The following RELN variants were observed in gnomAD, a reference collection of about 807,000 sequenced individuals.
RELN encodes reelin.
RELN carries 108 observed loss-of-function variants against 427.6 expected under a neutral mutation model. The observed-to-expected ratio is 0.25, with a 90% CI of 0.22 to 0.30. The LOEUF (loss-of-function observed/expected upper bound fraction) is 0.30, where lower values mean the gene tolerates loss of function less well. Ranked by LOEUF, RELN falls within the 10% of genes least tolerant of loss-of-function variation. RELN has a pLI of 1.00. For missense variants in RELN, 3,715 were observed against 4,302.8 expected (o/e 0.86, Z 3.82); for synonymous variants, 1,524 against 1,513.4 (o/e 1.01, Z -0.16).
intron 6 of RELN, among the ~76,000 whole-genome samples, chr7:103,733,581 A>G (rs1175263721): frequency 6.8e-6 from 1 of 146,654 alleles, no homozygotes; most frequent in Non-Finnish European, 1.5e-5. Context: ...AAAATGTGGC[A>G]CATATACACC....
rs1248208606 is a variant in RELN at position 103,574,125 on chromosome 7, G to A, written c.4478C>T (p.Ala1493Val). The part of the protein sequence containing the change: ...LYFNGPGKRE[A>V]RTVPLDTRNI... ...CCTGGTGTCCAGAGGGACCGTCCGG[G>A]CTTCCCTTTTCCCAGGGCCATTGAA... The change falls in exon 30 of 65, where the codon GCC becomes GTC. Residue 1493 changes from alanine to valine, a missense_variant. By Grantham distance (64) the Ala-to-Val change is moderately conservative. Around this residue, in one of 4 missense-constraint regions of RELN, gnomAD observed 2,208 missense variants for 2,361.7 expected, o/e 0.93. Coordinates refer to ENST00000428762, the MANE Select transcript of RELN (RefSeq NM_005045.4). 1 of 1,614,144 alleles carries A rather than the reference G, an allele frequency of 6.2e-7. No homozygotes were observed. The highest frequency in any genetic ancestry group is 1.7e-5 in the Admixed American group (1 of 60,022).
Position 103,603,346 on chromosome 7 carries a change from C to T in RELN, c.3291G>A (p.Gly1097=). Residue 1097 remains glycine (G), a synonymous_variant, in exon 24 of 65, where the codon GGG becomes GGA. Coordinates refer to ENST00000428762, the MANE Select transcript of RELN (RefSeq NM_005045.4). The surrounding 1 kb of genome is among the most constrained non-coding windows in gnomAD (Gnocchi z 4.3). ...ATGATCCAGAAGAGATGACACCACACCCTTGTTCTGGTTTTACAATTTCTC... is the reference window on the plus strand; with the variant it reads ...ATGATCCAGAAGAGATGACACCACATCCTTGTTCTGGTTTTACAATTTCTC... ...IGGEIVKPEQ[G]CGVISSGSSL... 1 of 1,613,922 alleles carries T rather than the reference C, an allele frequency of 6.2e-7. No homozygotes were observed. The highest frequency in any genetic ancestry group is 8.5e-7 in the Non-Finnish European group (1 of 1,179,848).
chr7:103,601,383 T>A (rs1831664405), intron 24 of RELN, among the ~76,000 whole-genome samples: 1 of 152,216 alleles, frequency 6.6e-6, no homozygotes, highest in African/African-American at 2.4e-5. Context: ...TAATCCTCTA[T>A]CTTGTTTACT....
Position 103,553,667 on chromosome 7 carries a change from C to A in RELN, c.5962G>T (p.Gly1988Trp). ...TAGATTCTTAATACTTACGGTGCCC[C>A]CTTTGAAGAATATGGACAATAAAGA... is the stretch of plus-strand genomic sequence containing the variant. Reference protein sequence around the residue: ...IGLYCPYSSKGAPEEDSAMVF... With the variant: ...IGLYCPYSSKWAPEEDSAMVF... Residue 1988 changes from glycine to tryptophan, a missense_variant, in exon 39 of 65, where the codon GGG (glycine) becomes TGG (tryptophan). Physicochemically the swap from Gly to Trp is radical, Grantham distance 184. Coordinates refer to ENST00000428762, the MANE Select transcript of RELN (RefSeq NM_005045.4). The A allele has an allele frequency of 6.2e-7, 1 of 1,613,946 alleles. No homozygotes were observed. The highest frequency in any genetic ancestry group is 8.5e-7 in the Non-Finnish European group (1 of 1,179,960).
chr7:103,551,059 G>A lies in RELN; in HGVS notation c.6302+8C>T. On this transcript the variant is annotated splice_region_variant and intron_variant, in intron 41 of 64. Transcript: ENST00000428762. ...AAACAAATGTGGCGTCAAGCAGCGGGTCCTTACCCACAAAGGTGCAGCTTC... is the reference window on the plus strand; with the variant it reads ...AAACAAATGTGGCGTCAAGCAGCGGATCCTTACCCACAAAGGTGCAGCTTC... 1 of 1,607,918 alleles carries A rather than the reference G, an allele frequency of 6.2e-7. No individual in the cohort carries two copies. The highest frequency in any genetic ancestry group is 8.5e-7 in the Non-Finnish European group (1 of 1,176,128).
chr7:103,496,771 A>G lies in RELN; in HGVS notation c.8951-3T>C, dbSNP rs369907348. ...ATGGAGCAAAGTCCAGGTAATTCCTATAATAACAAATATACCAACATAGCA... is the reference window on the plus strand; with the variant it reads ...ATGGAGCAAAGTCCAGGTAATTCCTGTAATAACAAATATACCAACATAGCA... On this transcript the variant is annotated splice_region_variant and splice_polypyrimidine_tract_variant and intron_variant, in intron 55 of 64. Coordinates refer to ENST00000428762, the MANE Select transcript of RELN (RefSeq NM_005045.4). The G allele has an allele frequency of 1.7e-5, 27 of 1,613,594 alleles. No homozygotes were observed. Among genetic ancestry groups the G allele is most frequent in the Non-Finnish European group, 2.2e-5 (26 of 1,179,716 alleles).
rs1790756404 is a variant in RELN at position 103,744,322 on chromosome 7, A to C, written c.656+5104T>G. ...CACAAGAGAAAGCAGGAAAGATCCA[A>C]AATTGACACCCTAACATCACAATTA... On this transcript the variant is annotated intron_variant, in intron 6 of 64. Transcript: ENST00000428762. 3.3e-5 allele frequency among the ~76,000 whole-genome samples: 5 copies of C among 152,020 alleles called. No individual in the cohort carries two copies. In the South Asian group the frequency reaches 1.0e-3, roughly 32 times the overall value.
intron 11 of RELN, among the ~76,000 whole-genome samples, chr7:103,680,576 G>A (rs1221101385): frequency 6.6e-6 from 1 of 152,054 alleles, no homozygotes; most frequent in Non-Finnish European, 1.5e-5. Context: ...CAGAAGATAG[G>A]TAGAAAGACT....
At chr7:103,960,904 A>T (rs573190026) in intron 1 of RELN, among the ~76,000 whole-genome samples, 11 of 152,364 alleles carry the variant, frequency 7.2e-5, no homozygotes, top group African/African-American at 2.4e-4. Flanking sequence ...ATACAAGCTA[A>T]TTTTACTCTT....
chr7:103,545,194 G>T lies in RELN; in HGVS notation c.6453C>A (p.Asp2151Glu). Residue 2151 changes from aspartate (D) to glutamate (E), a missense_variant, in exon 42 of 65, where the codon GAC becomes GAA. Physicochemically the swap from Asp to Glu is conservative, Grantham distance 45 (BLOSUM62 2). This residue lies in a region of RELN where 1,310 missense variants were observed against 1,643.0 expected (regional missense o/e 0.80). Coordinates refer to ENST00000428762, the MANE Select transcript of RELN (RefSeq NM_005045.4). ...TACAGGTTGGACCTGAGTAGCCAGG[G>T]TCACATATACATTTGGTTCCATTGA... ...SCINGTKCIC[D>E]PGYSGPTCKI... is the part of the protein sequence containing the mutation. 6.2e-7 allele frequency: 1 copy of T among 1,614,082 alleles called. No homozygotes were observed. Among genetic ancestry groups the T allele is most frequent in the Non-Finnish European group, 8.5e-7 (1 of 1,180,010 alleles).
chr7:103,488,008 C>A (rs1169587264), intron 60 of RELN, among the ~76,000 whole-genome samples: 1 of 151,998 alleles, frequency 6.6e-6, no homozygotes, highest in Non-Finnish European at 1.5e-5. Context: ...ATGAGCTGGG[C>A]ATGGTGGCAT....
At chr7:103,682,046 C>T in intron 11 of RELN, 70 bp downstream of exon 11, 5 of 1,421,202 alleles carry the variant, frequency 3.5e-6, no homozygotes, top group Non-Finnish European at 5.0e-6. Context: ...TAACAATATG[C>T]ATTTAAAACA....
At position 103,596,536 on chromosome 7, in the gene RELN, G is replaced by T. The variant is rs1361862698; in HGVS notation, c.3459C>A (p.Val1153=). The change falls in exon 25 of 65, where the codon GTC becomes GTA. Residue 1153 remains valine (V), a synonymous_variant. Transcript: ENST00000428762. ...CCCCATTGTTGCTGTACTGAAGGAG[G>T]ACGCCCTCCTCTCTGCTGTCAGGCT... ...CNKPDSREEG[V]LLQYSNNGGI... The T allele has an allele frequency of 6.2e-7, 1 of 1,613,996 alleles. No individual in the cohort carries two copies. Among genetic ancestry groups the T allele is most frequent in the African/African-American group, 1.3e-5 (1 of 75,036 alleles).
rs906949808 is a variant in RELN at position 103,912,492 on chromosome 7, A to AT, written c.337+4582dup. Among the ~76,000 whole-genome samples the AT allele has an allele frequency of 7.2e-5, 11 of 152,154 alleles. No individual in the cohort carries two copies. In the East Asian group the frequency reaches 1.7e-3, roughly 24 times the overall value. On this transcript the variant is annotated intron_variant, in intron 2 of 64. Transcript: ENST00000428762. ...ACCCACTGTGCCCAGCCTTTTAAGC[A>AT]TTTTTTAACTTAAATGATTGTATTT... is the stretch of plus-strand genomic sequence containing the variant.
intron 46 of RELN, among the ~76,000 whole-genome samples, chr7:103,526,073 G>T (rs561294568): frequency 1.3e-5 from 2 of 152,270 alleles, no homozygotes; most frequent in African/African-American, 2.4e-5. Context: ...TGGAGGGGTG[G>T]TAATCTGATG....
intron 46 of RELN, among the ~76,000 whole-genome samples, chr7:103,531,442 T>C (rs897089573): frequency 6.6e-6 from 1 of 152,180 alleles, no homozygotes; most frequent in Non-Finnish European, 1.5e-5. Flanking sequence ...GAGCGTGATG[T>C]AGTCTGGAGC....
At chr7:103,845,993 G>A (rs1354555750) in intron 2 of RELN, among the ~76,000 whole-genome samples, 1 of 152,106 alleles carries the variant, frequency 6.6e-6, no homozygotes, top group African/African-American at 2.4e-5. Context: ...TTGTGGAAAT[G>A]GCCATACTGC....
At chr7:103,480,978 A>G (rs1480864998) in intron 63 of RELN, among the ~76,000 whole-genome samples, 1 of 152,220 alleles carries the variant, frequency 6.6e-6, no homozygotes, top group Admixed American at 6.5e-5. Flanking sequence ...GTTGCTTATA[A>G]GCATTAATTC....
intron 6 of RELN, among the ~76,000 whole-genome samples, chr7:103,731,492 T>C (rs1438670735): frequency 7.1e-6 from 1 of 140,766 alleles, no homozygotes; most frequent in Non-Finnish European, 1.5e-5. Flanking sequence ...CTCCTTCTAT[T>C]TTTTTTTATC....
Sources: allele counts gnomAD v4.1 joint callset (sites outside exome capture counted in the v4.1 genomes callset), GRCh38; gene constraint gnomAD v4.1.1; regional missense constraint gnomAD v4.1.1; non-coding constraint Gnocchi (gnomAD v3.1); transcripts MANE v1.5; gene names NCBI Gene and HGNC (gene_info 2026-07-23, HGNC 2026-07-21).